CYP7B1: variants seen among roughly 807,000 people sequenced by gnomAD.
The protein encoded by CYP7B1 is cytochrome P450 family 7 subfamily B member 1.
CYP7B1 carries 29 observed loss-of-function variants against 42.7 expected under a neutral mutation model. The ratio of observed to expected loss-of-function variants is 0.68; its 90% CI spans 0.51 to 0.93. CYP7B1 has a LOEUF of 0.93. CYP7B1 is among the 40% of genes least tolerant of loss of function. CYP7B1 has a pLI of 0.00. For missense variants in CYP7B1, 655 were observed against 600.5 expected (o/e 1.09, Z -0.95); for synonymous variants, 235 against 218.2 (o/e 1.08, Z -0.68).
intron 1 of CYP7B1, among the ~76,000 whole-genome samples, chr8:64,681,349 G>A (rs1399264326): frequency 1.2e-4 from 18 of 152,156 alleles, no homozygotes; most frequent in Non-Finnish European, 1.5e-5. Context: ...GGGGGAGGAA[G>A]TTGAAAAGAC....
intron 1 of CYP7B1, among the ~76,000 whole-genome samples, chr8:64,636,659 A>C (rs543906475): frequency 6.6e-6 from 1 of 152,296 alleles, no homozygotes; most frequent in South Asian, 2.1e-4. Flanking sequence ...CTGGTCACAG[A>C]TGAGGCACCA....
intron 1 of CYP7B1, among the ~76,000 whole-genome samples, chr8:64,729,903 T>C (rs184655887): frequency 6.6e-6 from 1 of 152,364 alleles, no homozygotes; most frequent in Non-Finnish European, 1.5e-5. Flanking sequence ...TTTATGTTGG[T>C]AAATTGTTCA....
chr8:64,653,966 C>G (rs969615058), intron 1 of CYP7B1, among the ~76,000 whole-genome samples: 1 of 151,940 alleles, frequency 6.6e-6, no homozygotes, highest in African/African-American at 2.4e-5. Context: ...ACTAAATAAA[C>G]TAAAACTCTA....
intron 1 of CYP7B1, among the ~76,000 whole-genome samples, chr8:64,672,176 T>A (rs1806376748): frequency 6.6e-6 from 1 of 152,146 alleles, no homozygotes; most frequent in Non-Finnish European, 1.5e-5. Flanking sequence ...CCATTTTAAT[T>A]TCAGGTAACT....
intron 1 of CYP7B1, among the ~76,000 whole-genome samples, chr8:64,775,698 A>G (rs1326272463): frequency 6.6e-6 from 1 of 152,124 alleles, no homozygotes; most frequent in Non-Finnish European, 1.5e-5. Context: ...AACCTAGGGG[A>G]AGAGACAGTG....
chr8:64,638,654 A>G (rs1355271438), intron 1 of CYP7B1, among the ~76,000 whole-genome samples: 1 of 152,144 alleles, frequency 6.6e-6, no homozygotes, highest in Non-Finnish European at 1.5e-5. Flanking sequence ...TAGTTATACA[A>G]GTTGTTAGTT....
chr8:64,652,850 AAAAC>A (rs1288029020), intron 1 of CYP7B1, among the ~76,000 whole-genome samples: 1 of 152,152 alleles, frequency 6.6e-6, no homozygotes. Flanking sequence ...TCTCAAAAAC[AAAAC>A]AAACAAACAA....
intron 1 of CYP7B1, among the ~76,000 whole-genome samples, chr8:64,639,114 T>C (rs981126926): frequency 2.0e-5 from 3 of 151,828 alleles, no homozygotes; most frequent in African/African-American, 7.3e-5. Context: ...TCCTTCTCTA[T>C]AAATAGGACA....
intron 1 of CYP7B1, among the ~76,000 whole-genome samples, chr8:64,638,381 T>C (rs1362486280): frequency 6.6e-6 from 1 of 152,154 alleles, no homozygotes; most frequent in East Asian, 1.9e-4. Flanking sequence ...AGATTTTGTT[T>C]ATGTTAATTT....
intron 1 of CYP7B1, among the ~76,000 whole-genome samples, chr8:64,715,104 A>T (rs1402615670): frequency 6.6e-6 from 1 of 152,214 alleles, no homozygotes; most frequent in Non-Finnish European, 1.5e-5. Flanking sequence ...CAAGGTGTCT[A>T]CTTTGAAATT....
At chr8:64,644,426 G>A (rs73237789) in intron 1 of CYP7B1, among the ~76,000 whole-genome samples, 10 of 151,996 alleles carry the variant, frequency 6.6e-5, no homozygotes, top group South Asian at 2.1e-4. Flanking sequence ...CAGCTCCATC[G>A]GAGGCATCAC....
Position 64,798,695 on chromosome 8 carries a change from G to GGGCCGGAGAGGCTGGCCT in CYP7B1, c.-126_-109dup, listed in dbSNP as rs1563433012. 4.8e-6 allele frequency: 6 copies of GGGCCGGAGAGGCTGGCCT among 1,239,428 alleles called. No individual in the cohort carries two copies. Among genetic ancestry groups the GGGCCGGAGAGGCTGGCCT allele is most frequent in the African/African-American group, 1.6e-5 (1 of 62,246 alleles). The allele number at this position is 1,239,428 out of a possible 1,614,324, so 76.8% of individuals were successfully genotyped here. On this transcript the variant is annotated 5_prime_UTR_variant, in exon 1 of 6. Transcript: ENST00000310193. ...TCTCTCGGCGGCGCCCCCTAGTCCA[G>GGGCCGGAGAGGCTGGCCT]GGCCGGAGAGGCTGGCCTGCCCGCA... is the stretch of plus-strand genomic sequence containing the variant.
At chr8:64,782,797 G>A (rs1804451044) in intron 1 of CYP7B1, among the ~76,000 whole-genome samples, 1 of 152,088 alleles carries the variant, frequency 6.6e-6, no homozygotes, top group Non-Finnish European at 1.5e-5. Flanking sequence ...ATCATTAAAT[G>A]GTTATTTTGA....
At chr8:64,793,291 T>G (rs1804649713) in intron 1 of CYP7B1, among the ~76,000 whole-genome samples, 1 of 152,226 alleles carries the variant, frequency 6.6e-6, no homozygotes, top group Non-Finnish European at 1.5e-5. Flanking sequence ...AGTGTCTTAT[T>G]TTAAAAAGAT....
chr8:64,686,656 G>C (rs1265033921), intron 1 of CYP7B1, among the ~76,000 whole-genome samples: 1 of 60,778 alleles, frequency 1.6e-5, no homozygotes, highest in African/African-American at 6.9e-5. Flanking sequence ...GAACGGGCCA[G>C]GATGACAATG....
chr8:64,670,171 C>T lies in CYP7B1; in HGVS notation c.123-45632G>A, dbSNP rs1003955978. The stretch of plus-strand genomic sequence containing the variant: ...TGTACCACATGGCCTCTCTGTAACA[C>T]TTGGGTTCCACCCATTTCATGTGCC... On this transcript the variant is annotated intron_variant, in intron 1 of 5. Transcript: ENST00000310193. 3.3e-5 allele frequency among the ~76,000 whole-genome samples: 5 copies of T among 152,308 alleles called. No individual in the cohort carries two copies. The South Asian group carries it at 1.0e-3, about 32-fold the overall frequency.
chr8:64,684,312 G>A (rs1254387043), intron 1 of CYP7B1, among the ~76,000 whole-genome samples: 2 of 152,182 alleles, frequency 1.3e-5, no homozygotes, highest in Non-Finnish European at 2.9e-5. Flanking sequence ...GTGTGGTGCT[G>A]AGCAAGTTGT....
At chr8:64,732,495 C>A (rs1807427209) in intron 1 of CYP7B1, among the ~76,000 whole-genome samples, 1 of 152,174 alleles carries the variant, frequency 6.6e-6, no homozygotes, top group African/African-American at 2.4e-5. Context: ...CTTTTGACTT[C>A]ACAGGCTCAT....
chr8:64,775,154 A>T (rs929449457), intron 1 of CYP7B1, among the ~76,000 whole-genome samples: 1 of 136,828 alleles, frequency 7.3e-6, no homozygotes, highest in African/African-American at 3.6e-5. Context: ...AAATTCCATA[A>T]AAAAAAACAC....
Sources: allele counts gnomAD v4.1 joint callset (sites outside exome capture counted in the v4.1 genomes callset), GRCh38; gene constraint gnomAD v4.1.1; transcripts MANE v1.5; gene names NCBI Gene and HGNC (gene_info 2026-07-23, HGNC 2026-07-21).